The following NEGR1 variants were observed in gnomAD, a reference collection of about 807,000 sequenced individuals.
NEGR1 encodes the protein IgLON family member 4.
Under a neutral mutation model 40.9 loss-of-function variants are expected in NEGR1, and 10 were observed. The ratio of observed to expected loss-of-function variants is 0.24; its 90% CI spans 0.15 to 0.42. NEGR1 has a LOEUF of 0.42. Among genes scored for constraint, NEGR1 ranks in the 10% least tolerant of loss-of-function variants. The pLI is 1.00. For missense variants in NEGR1, 352 were observed against 438.9 expected, an observed-to-expected ratio of 0.80 and a Z score of 1.77; for synonymous variants, 185 against 166.8, an observed-to-expected ratio of 1.11 and a Z score of -0.84.
intron 1 of NEGR1, among the ~76,000 whole-genome samples, chr1:72,013,000 T>A (rs1646673083): frequency 6.6e-6 from 1 of 151,502 alleles, no homozygotes; most frequent in African/African-American, 2.4e-5. Context: ...ATATGGCATA[T>A]AACATTTATT....
intron 4 of NEGR1, among the ~76,000 whole-genome samples, chr1:71,631,508 A>T (rs765338295): frequency 6.6e-6 from 1 of 151,830 alleles, no homozygotes; most frequent in Non-Finnish European, 1.5e-5. Context: ...AAAGTCTTAG[A>T]TGTTATTTCT....
intron 6 of NEGR1, among the ~76,000 whole-genome samples, chr1:71,578,164 A>C (rs1649020872): frequency 6.6e-6 from 1 of 152,164 alleles, no homozygotes; most frequent in Admixed American, 6.5e-5. Context: ...GCTGATTAAC[A>C]GTGATGCTGG....
At chr1:72,097,911 G>A (rs1057039993) in intron 1 of NEGR1, among the ~76,000 whole-genome samples, 1 of 152,150 alleles carries the variant, frequency 6.6e-6, no homozygotes, top group Non-Finnish European at 1.5e-5. Flanking sequence ...TAAGTAATTT[G>A]GTTGATACCC....
chr1:72,011,722 C>T (rs904219764), intron 1 of NEGR1, among the ~76,000 whole-genome samples: 1 of 152,142 alleles, frequency 6.6e-6, no homozygotes, highest in African/African-American at 2.4e-5. Flanking sequence ...CTAAGTTCAG[C>T]TTCTGATTCA....
At chr1:72,165,314 T>C (rs953643790) in intron 1 of NEGR1, among the ~76,000 whole-genome samples, 1 of 152,026 alleles carries the variant, frequency 6.6e-6, no homozygotes, top group African/African-American at 2.4e-5. Context: ...AGAAGCAAAA[T>C]AGTTGGTCAA....
intron 3 of NEGR1, among the ~76,000 whole-genome samples, chr1:71,702,642 G>A (rs761949898): frequency 6.6e-5 from 10 of 150,700 alleles, no homozygotes; most frequent in Non-Finnish European, 1.2e-4. Flanking sequence ...GATAACTCTG[G>A]CATTCAGATC....
intron 4 of NEGR1, among the ~76,000 whole-genome samples, chr1:71,691,440 G>C (rs1402630829): frequency 6.6e-6 from 1 of 151,090 alleles, no homozygotes; most frequent in Non-Finnish European, 1.5e-5. Context: ...GTTCTTTTAG[G>C]AAGTTTCCTT....
chr1:72,152,897 C>T (rs1651178014), intron 1 of NEGR1, among the ~76,000 whole-genome samples: 1 of 151,914 alleles, frequency 6.6e-6, no homozygotes, highest in African/African-American at 2.4e-5. Context: ...AACTAAATAC[C>T]ATGTGTTCTT....
intron 1 of NEGR1, among the ~76,000 whole-genome samples, chr1:72,237,439 T>G (rs956737321): frequency 2.6e-5 from 4 of 151,928 alleles, no homozygotes; most frequent in African/African-American, 4.8e-5. Flanking sequence ...CCAACAGATT[T>G]GTTGTTTGGT....
chr1:71,631,677 A>C (rs1009656305), intron 4 of NEGR1, among the ~76,000 whole-genome samples: 2 of 151,848 alleles, frequency 1.3e-5, no homozygotes, highest in Non-Finnish European at 2.9e-5. Context: ...CACTTAGTGA[A>C]AAACAAGACT....
At chr1:71,933,191 T>C (rs1006357665) in intron 2 of NEGR1, among the ~76,000 whole-genome samples, 2 of 152,016 alleles carry the variant, frequency 1.3e-5, no homozygotes, top group Admixed American at 6.6e-5. Flanking sequence ...AAGAGTACTA[T>C]AGTAAGACAT....
chr1:71,639,137 G>T (rs1651262048), intron 4 of NEGR1, among the ~76,000 whole-genome samples: 1 of 148,728 alleles, frequency 6.7e-6, no homozygotes, highest in Non-Finnish European at 1.5e-5. Context: ...TACAGTGTAA[G>T]TAAACAGAAA....
intron 1 of NEGR1, among the ~76,000 whole-genome samples, chr1:72,001,229 G>A (rs936381492): frequency 2.6e-5 from 4 of 151,966 alleles, no homozygotes; most frequent in Non-Finnish European, 5.9e-5. Flanking sequence ...CCTCTCTGCA[G>A]CAGAGAGCTT....
chr1:71,905,206 C>A (rs1661243221), intron 2 of NEGR1, among the ~76,000 whole-genome samples: 1 of 151,978 alleles, frequency 6.6e-6, no homozygotes, highest in Admixed American at 6.6e-5. Context: ...CAGTTTTTAA[C>A]ACACAAAATA....
intron 1 of NEGR1, among the ~76,000 whole-genome samples, chr1:72,114,347 C>T (rs1174153356): frequency 8.6e-5 from 13 of 151,656 alleles, no homozygotes. Context: ...TGCCAGTAGA[C>T]CACCTTTGGA....
At chr1:71,950,728 T>G (rs1310306099) in intron 1 of NEGR1, among the ~76,000 whole-genome samples, 1 of 152,010 alleles carries the variant, frequency 6.6e-6, no homozygotes, top group Non-Finnish European at 1.5e-5. Flanking sequence ...TCCTTAGCTT[T>G]TATTCTGTTA....
chr1:72,054,617 C>G (rs1041600333), intron 1 of NEGR1, among the ~76,000 whole-genome samples: 1 of 151,132 alleles, frequency 6.6e-6, no homozygotes, highest in Non-Finnish European at 1.5e-5. Flanking sequence ...TAAAATCAGT[C>G]TTCTAATCTT....
chr1:71,519,637 C>T (rs550908345), intron 6 of NEGR1, among the ~76,000 whole-genome samples: 4 of 124,874 alleles, frequency 3.2e-5, no homozygotes, highest in South Asian at 5.8e-4. Flanking sequence ...CTAGATGACA[C>T]GTTAGTGGGT....
intron 4 of NEGR1, among the ~76,000 whole-genome samples, chr1:71,675,717 A>G (rs1379502120): frequency 6.6e-6 from 1 of 152,118 alleles, no homozygotes; most frequent in Non-Finnish European, 1.5e-5. Flanking sequence ...ATACAGAAAA[A>G]GAAACCAAGT....
Sources: gnomAD v4.1 joint callset for allele counts (sites outside exome capture counted in the v4.1 genomes callset) on GRCh38, gnomAD v4.1.1 for gene constraint, MANE v1.5 for transcripts, NCBI Gene and HGNC (gene_info 2026-07-23, HGNC 2026-07-21) for gene names.